Variants in FXR1 observed in about 807,000 individuals in gnomAD.
FXR1 encodes FMR1 autosomal homolog 1.
A neutral mutation model predicts 84.0 loss-of-function variants in FXR1; 15 were observed. The observed-to-expected ratio is 0.18, with a 90% CI of 0.12 to 0.27. FXR1 has a LOEUF of 0.27. Among genes scored for constraint, FXR1 ranks in the 10% least tolerant of loss-of-function variants. The probability of loss-of-function intolerance (pLI) is 1.00; values close to 1 mark genes in which losing one functional copy is unlikely to be tolerated. For missense variants in FXR1, 480 were observed against 774.4 expected (o/e 0.62, Z 4.51); for synonymous variants, 245 against 250.7 (o/e 0.98, Z 0.21).
Position 180,916,871 on chromosome 3 carries a change from T to C in FXR1, c.51+4135T>C, listed in dbSNP as rs558704848. Among the ~76,000 whole-genome samples, 42 of 152,094 alleles carry C rather than the reference T, an allele frequency of 2.8e-4. 1 individual carries two copies. Among genetic ancestry groups the C allele is most frequent in the African/African-American group, 9.4e-4 (39 of 41,528 alleles). ...GTTTTCTTGAGACGGAGTCTTGCTCTGTCACCAGGCTGGAGTGCAGTGGTG... is the reference window on the plus strand; with the variant it reads ...GTTTTCTTGAGACGGAGTCTTGCTCCGTCACCAGGCTGGAGTGCAGTGGTG... On this transcript the variant is annotated intron_variant, in intron 1 of 16. Transcript: ENST00000357559.
At chr3:180,930,814 C>T (rs1719796638) in intron 1 of FXR1, among the ~76,000 whole-genome samples, 1 of 151,922 alleles carries the variant, frequency 6.6e-6, no homozygotes, top group Non-Finnish European at 1.5e-5. Context: ...GCGAGTGGAT[C>T]AGCTGAGGTC....
At chr3:180,943,265 C>CTTTTTT (rs71182562) in intron 3 of FXR1, among the ~76,000 whole-genome samples, 2 of 27,638 alleles carry the variant, frequency 7.2e-5, no homozygotes, top group African/African-American at 1.4e-4. Flanking sequence ...CTGTGCCCGG[C>CTTTTTT]TTTTTTTTTT....
intron 1 of FXR1, among the ~76,000 whole-genome samples, chr3:180,923,352 G>C (rs1718799192): frequency 6.6e-6 from 1 of 152,140 alleles, no homozygotes; most frequent in South Asian, 2.1e-4. Flanking sequence ...ATCTCGAGAA[G>C]GGAACATTGT....
intron 4 of FXR1, 29 bp downstream of exon 4, chr3:180,947,965 C>T (rs1721866577): frequency 2.2e-6 from 3 of 1,373,566 alleles, no homozygotes; most frequent in South Asian, 1.2e-5. Context: ...TGCTTTGTGA[C>T]TAGTTTCTAA....
intron 1 of FXR1, among the ~76,000 whole-genome samples, chr3:180,920,007 C>A (rs1022315422): frequency 1.3e-5 from 2 of 152,154 alleles, no homozygotes; most frequent in Admixed American, 1.3e-4. Flanking sequence ...TTTAACTTGC[C>A]TGCCATTCTC....
At chr3:180,964,780 G>A (rs1165043663) in intron 13 of FXR1, among the ~76,000 whole-genome samples, 1 of 150,764 alleles carries the variant, frequency 6.6e-6, no homozygotes. Context: ...GTTGGTATGT[G>A]TGTTAAATTG....
chr3:180,966,097 T>C (rs538841062), intron 13 of FXR1, among the ~76,000 whole-genome samples: 1 of 152,304 alleles, frequency 6.6e-6, no homozygotes, highest in South Asian at 2.1e-4. Context: ...GCTTTTTTTT[T>C]CACTATTCAA....
rs56345724 is a variant in FXR1 at position 180,970,383 on chromosome 3, AATATATATAT to A, written c.1603+55_1603+64del. On this transcript the variant is annotated intron_variant, in intron 15 of 16. Coordinates refer to ENST00000357559, the MANE Select transcript of FXR1 (RefSeq NM_005087.4). ...GGTATGTAAGCACTTAGGGAAGAGA[AATATATATAT>A]ATATATATATATATATATATATATA... is the stretch of plus-strand genomic sequence containing the variant. 3.7e-3 allele frequency: 1,358 copies of A among 368,160 alleles called. 8 individuals carry two copies. Among genetic ancestry groups the A allele is most frequent in the Non-Finnish European group, 4.7e-3 (889 of 189,356 alleles). 22.8% of individuals were successfully genotyped at this position (368,160 alleles called of 1,614,324 possible).
At position 180,981,213 on chromosome 3, in the gene FXR1, C is replaced by T. The variant is rs867604520; in HGVS notation, c.*4921C>T. ...CCCTTTAAATGAAGCATTATGCCTGCGTGAAATTTTATTTTTAGACATTTC... is the reference window on the plus strand; with the variant it reads ...CCCTTTAAATGAAGCATTATGCCTGTGTGAAATTTTATTTTTAGACATTTC... On this transcript the variant is annotated 3_prime_UTR_variant, in exon 17 of 17. Coordinates refer to ENST00000357559, the MANE Select transcript of FXR1 (RefSeq NM_005087.4). 6.6e-6 allele frequency: 1 copy of T among 151,814 alleles called. No individual in the cohort carries two copies. 9.4% of individuals were successfully genotyped at this position (151,814 alleles called of 1,614,324 possible).
At chr3:180,965,230 C>T (rs919351878) in intron 13 of FXR1, among the ~76,000 whole-genome samples, 6 of 151,856 alleles carry the variant, frequency 4.0e-5, no homozygotes, top group African/African-American at 7.3e-5. Context: ...TGGTCAGGCT[C>T]GTCTCAAACT....
At position 180,975,308 on chromosome 3, in the gene FXR1, A is replaced by ATT. The variant is rs1343189127; in HGVS notation, c.1604-5_1604-4insTT. 7.8e-7 allele frequency: 1 copy of ATT among 1,282,290 alleles called. No individual in the cohort carries two copies. The highest frequency in any genetic ancestry group is 1.1e-6 in the Non-Finnish European group (1 of 910,650). 79.4% of individuals were successfully genotyped at this position (1,282,290 alleles called of 1,614,324 possible). ...CACCTGTAATTTTTTTCTCATCTTT[A>ATT]ACAGTCACAGTTGCAGATTATATTT... On this transcript the variant is annotated splice_region_variant and splice_polypyrimidine_tract_variant and intron_variant, in intron 15 of 16. Transcript: ENST00000357559.
At chr3:180,915,482 TTTAA>T (rs1233092111) in intron 1 of FXR1, 8 of 1,464,416 alleles carry the variant, frequency 5.5e-6, no homozygotes, top group Middle Eastern at 3.4e-4. Context: ...GCAATTTAAT[TTTAA>T]TTAGTTTTTT....
intron 3 of FXR1, among the ~76,000 whole-genome samples, chr3:180,942,773 GA>G (rs1721273507): frequency 6.6e-6 from 1 of 152,102 alleles, no homozygotes; most frequent in Non-Finnish European, 1.5e-5. Flanking sequence ...AAAATCTGAG[GA>G]AAAGGAATTT....
rs1297316355 is a variant in FXR1, at chr3:180,951,424, A to G, written c.757A>G (p.Ile253Val). The G allele has an allele frequency of 1.1e-5, 18 of 1,613,326 alleles. No homozygotes were observed. Among genetic ancestry groups the G allele is most frequent in the Non-Finnish European group, 1.5e-5 (18 of 1,179,390 alleles). ...QARKVPGVTA[I>V]ELDEDTGTFR... ...TAGGAAGGTTCCTGGAGTTACCGCCATTGAGCTAGATGAAGATACTGGAAC... is the reference window on the plus strand; with the variant it reads ...TAGGAAGGTTCCTGGAGTTACCGCCGTTGAGCTAGATGAAGATACTGGAAC... The change falls in exon 8 of 17, where the codon ATT becomes GTT. Residue 253 changes from isoleucine (I) to valine (V), a missense_variant. Around this residue, in one of 6 missense-constraint regions of FXR1, gnomAD observed 136 missense variants for 315.4 expected, o/e 0.43. Coordinates refer to ENST00000357559, the MANE Select transcript of FXR1 (RefSeq NM_005087.4).
At chr3:180,961,394 A>G in intron 10 of FXR1, 74 bp from the exon 11 acceptor site, 3 of 533,222 alleles carry the variant, frequency 5.6e-6, no homozygotes, top group Non-Finnish European at 1.0e-5. Flanking sequence ...CCTGCCTGTC[A>G]GTTTCATGTC....
chr3:180,969,758 G>A (rs137994216), intron 14 of FXR1, among the ~76,000 whole-genome samples: 14 of 152,230 alleles, frequency 9.2e-5, no homozygotes, highest in African/African-American at 3.1e-4. Flanking sequence ...ATGAAAGCTC[G>A]CTCTTATAAT....
intron 15 of FXR1, 28 bp downstream of exon 15, chr3:180,970,386 ATAT>A (rs1560023583): frequency 1.8e-4 from 12 of 66,638 alleles, no homozygotes; most frequent in Non-Finnish European, 2.9e-4. Flanking sequence ...GAAGAGAAAT[ATAT>A]ATATATATAT....
chr3:180,970,250 A>G lies in FXR1; in HGVS notation c.1495A>G (p.Ser499Gly). The G allele has an allele frequency of 3.1e-6, 5 of 1,600,814 alleles. No homozygotes were observed. The South Asian group carries it at 5.5e-5, about 18-fold the overall frequency. ...CACTGATGCCAGCGAATCTCATCACAGTACTAACCGTCGTAGGCGGTCTCG... is the reference window on the plus strand; with the variant it reads ...CACTGATGCCAGCGAATCTCATCACGGTACTAACCGTCGTAGGCGGTCTCG... ...ADTDASESHH[S>G]TNRRRRSRRR... Residue 499 changes from serine to glycine, a missense_variant, in exon 15 of 17, where the codon AGT becomes GGT. By Grantham distance (56) the Ser-to-Gly change is moderately conservative (BLOSUM62 0). Coordinates refer to ENST00000357559, the MANE Select transcript of FXR1 (RefSeq NM_005087.4).
intron 15 of FXR1, among the ~76,000 whole-genome samples, chr3:180,973,662 T>G (rs1713865861): frequency 6.6e-6 from 1 of 152,230 alleles, no homozygotes; most frequent in Non-Finnish European, 1.5e-5. Flanking sequence ...TTAAAAAGCT[T>G]CAAGATGAGC....
Sources: gnomAD v4.1 joint callset for allele counts (sites outside exome capture counted in the v4.1 genomes callset) on GRCh38, gnomAD v4.1.1 for gene constraint, gnomAD v4.1.1 regional missense constraint, MANE v1.5 for transcripts, NCBI Gene and HGNC (gene_info 2026-07-23, HGNC 2026-07-21) for gene names.